ANKHD1: variants seen among roughly 807,000 people sequenced by gnomAD.
ANKHD1 encodes the protein ankyrin repeat and KH domain containing 1, also known as ankyrin repeat and KH domain-containing protein 1.
ANKHD1 carries 31 observed loss-of-function variants against 230.5 expected under a neutral mutation model. That is an observed-to-expected ratio of 0.13 (90% CI 0.10 to 0.18). The LOEUF is 0.18. ANKHD1 is among the 10% of genes least tolerant of loss of function. ANKHD1 has a pLI of 1.00. For synonymous variants in ANKHD1, 1,074 were observed against 1,117.6 expected, an observed-to-expected ratio of 0.96 and a Z score of 0.78; for missense variants, 2,256 against 3,071.3, an observed-to-expected ratio of 0.73 and a Z score of 6.27.
intron 14 of ANKHD1, among the ~76,000 whole-genome samples, chr5:140,489,617 A>T (rs1001435358): frequency 1.3e-5 from 2 of 152,228 alleles, no homozygotes; most frequent in African/African-American, 2.4e-5. Flanking sequence ...ATGTTTAGGT[A>T]GTGATTTTTT....
Position 140,502,022 on chromosome 5 carries a change from A to G in ANKHD1, c.3005-2799A>G, listed in dbSNP as rs188172584. On this transcript the variant is annotated intron_variant, in intron 15 of 33. Transcript: ENST00000360839. ...TTCAAGACCAGCCTGAGCAACACATAGAGACCCTATCTCTTTAAAAAAAAA... is the reference window on the plus strand; with the variant it reads ...TTCAAGACCAGCCTGAGCAACACATGGAGACCCTATCTCTTTAAAAAAAAA... Among the ~76,000 whole-genome samples the G allele has an allele frequency of 7.0e-4, 106 of 151,078 alleles. No homozygotes were observed. The East Asian group carries it at 0.017, about 24-fold the overall frequency.
At chr5:140,466,552 AGT>A (rs1264995490) in intron 10 of ANKHD1, among the ~76,000 whole-genome samples, 3 of 152,172 alleles carry the variant, frequency 2.0e-5, no homozygotes, top group Non-Finnish European at 4.4e-5. Context: ...GTTAAAATAG[AGT>A]GTTTATTATT....
rs945695807 is a variant in ANKHD1, at chr5:140,441,269, A to C, written c.913+127A>C. The C allele has an allele frequency of 1.1e-5, 13 of 1,231,204 alleles. No individual in the cohort carries two copies. The African/African-American group carries it at 1.9e-4, about 18-fold the overall frequency. 76.3% of individuals were successfully genotyped at this position (1,231,204 alleles called of 1,614,324 possible). A position where few individuals can be genotyped will look rare whatever the true frequency, so the allele number is the denominator to read the frequency against. The stretch of plus-strand genomic sequence containing the variant: ...AGAAAAATCTTAGCCCTTGTGTAGA[A>C]TCTTTGAGTAAAATACAAATTAATT... On this transcript the variant is annotated intron_variant, in intron 5 of 33. Coordinates refer to ENST00000360839, the MANE Select transcript of ANKHD1 (RefSeq NM_017747.3).
In ANKHD1 at chr5:140,497,257, A is replaced by G. The variant is rs769487598; in HGVS notation, c.2983A>G (p.Thr995Ala). The G allele has an allele frequency of 3.1e-6, 5 of 1,604,182 alleles. No homozygotes were observed. The highest frequency in any genetic ancestry group is 1.7e-5 in the Admixed American group (1 of 59,982). The change falls in exon 15 of 34, where the codon ACT (threonine) becomes GCT (alanine). Residue 995 changes from threonine (T) to alanine (A), a missense_variant. By Grantham distance (58) the Thr-to-Ala change is moderately conservative. Around this residue, in one of 13 missense-constraint regions of ANKHD1, gnomAD observed 358 missense variants for 397.7 expected, o/e 0.90. Transcript: ENST00000360839. The stretch of plus-strand genomic sequence containing the variant: ...AACTCCAGCTCAGACGCTTACCGAC[A>G]CTCTTGATGACCTGATAGCAGGTGG... Reference protein sequence around the residue: ...VATPAQTLTDTLDDLIAAVST... With the variant: ...VATPAQTLTDALDDLIAAVST...
chr5:140,445,603 G>C (rs1774220135), intron 5 of ANKHD1, 139 bp from the exon 6 acceptor site: 1 of 801,084 alleles, frequency 1.2e-6, no homozygotes, highest in Non-Finnish European at 1.7e-6. Flanking sequence ...GAATTGAAGA[G>C]GTATACCTAG....
chr5:140,483,281 T>G (rs1751365107), intron 11 of ANKHD1, among the ~76,000 whole-genome samples: 1 of 152,090 alleles, frequency 6.6e-6, no homozygotes, highest in African/African-American at 2.4e-5. Context: ...CCTAACTCTT[T>G]GTATAGTGTC....
intron 15 of ANKHD1, among the ~76,000 whole-genome samples, chr5:140,497,877 CCACACA>C (rs36224738): frequency 0.017 from 2,467 of 144,564 alleles, 51 homozygotes; most frequent in African/African-American, 0.048. Flanking sequence ...CCACACCACA[CCACACA>C]CACACACACA....
chr5:140,466,556 T>C (rs1217040147), intron 10 of ANKHD1, among the ~76,000 whole-genome samples: 2 of 152,216 alleles, frequency 1.3e-5, no homozygotes, highest in East Asian at 1.9e-4. Flanking sequence ...AAATAGAGTG[T>C]TTATTATTTA....
intron 1 of ANKHD1, among the ~76,000 whole-genome samples, 186 bp downstream of exon 1, chr5:140,402,459 G>A (rs1581189181): frequency 6.6e-6 from 1 of 152,210 alleles, no homozygotes; most frequent in East Asian, 1.9e-4. Flanking sequence ...GCTCGAGCGG[G>A]ACAGGTTCCC....
intron 1 of ANKHD1, among the ~76,000 whole-genome samples, chr5:140,417,032 A>G (rs572040804): frequency 2.2e-4 from 34 of 152,300 alleles, no homozygotes; most frequent in East Asian, 3.9e-4. Flanking sequence ...AAAAGCATCT[A>G]TGATGGAGAG....
At chr5:140,499,468 T>C (rs1752180111) in intron 15 of ANKHD1, among the ~76,000 whole-genome samples, 1 of 152,168 alleles carries the variant, frequency 6.6e-6, no homozygotes, top group African/African-American at 2.4e-5. Flanking sequence ...TAGAAGTAAA[T>C]TTTACTTTAG....
chr5:140,441,252 C>G, intron 5 of ANKHD1, 110 bp downstream of exon 5: 5 of 1,331,058 alleles, frequency 3.8e-6, no homozygotes, highest in Non-Finnish European at 4.9e-6. Context: ...ACAGAAAAAT[C>G]TTAGCCCTTG....
intron 7 of ANKHD1, among the ~76,000 whole-genome samples, chr5:140,454,635 G>A (rs1442693746): frequency 5.3e-5 from 8 of 152,110 alleles, no homozygotes; most frequent in Non-Finnish European, 1.0e-4. Context: ...CGAAATGAAG[G>A]CAGAAATAAA....
At chr5:140,433,121 T>C (rs1197996167) in intron 1 of ANKHD1, among the ~76,000 whole-genome samples, 3 of 147,570 alleles carry the variant, frequency 2.0e-5, no homozygotes, top group African/African-American at 7.6e-5. Flanking sequence ...CAGGCTGGAG[T>C]GCAGTGCCAC....
intron 1 of ANKHD1, among the ~76,000 whole-genome samples, chr5:140,423,685 C>G (rs1458883974): frequency 2.0e-5 from 3 of 152,124 alleles, no homozygotes; most frequent in African/African-American, 7.2e-5. Context: ...CTATTAATAC[C>G]TACTGTATGT....
intron 1 of ANKHD1, among the ~76,000 whole-genome samples, chr5:140,406,590 T>A (rs1214515907): frequency 6.6e-6 from 1 of 151,676 alleles, no homozygotes; most frequent in Non-Finnish European, 1.5e-5. Flanking sequence ...GATGGAGTCT[T>A]GTCGCCCAGG....
At chr5:140,482,028 A>C (rs1454870589) in intron 10 of ANKHD1, among the ~76,000 whole-genome samples, 1 of 152,036 alleles carries the variant, frequency 6.6e-6, no homozygotes, top group Non-Finnish European at 1.5e-5. Flanking sequence ...TCTTTCTGCT[A>C]TTAGGAGTTG....
In ANKHD1 at chr5:140,405,992, C is replaced by T. The variant is rs1014822285; in HGVS notation, c.306+3719C>T. On this transcript the variant is annotated intron_variant, in intron 1 of 33. Transcript: ENST00000360839. ...TGGTGGCTCACGCCTGTAATCACAG[C>T]ACTTTGGGAGGCCAAGGCGGGTGGA... 5.9e-5 allele frequency among the ~76,000 whole-genome samples: 9 copies of T among 151,970 alleles called. No homozygotes were observed. In the East Asian group the frequency reaches 1.6e-3, roughly 27 times the overall value.
Position 140,529,001 on chromosome 5 carries a change from G to A in ANKHD1, c.6055G>A (p.Glu2019Lys). ...SQAQLSSQKMESFSAVPPTKE... is the reference protein window; with the variant it reads ...SQAQLSSQKMKSFSAVPPTKE... ...AGCACAGCTTTCTTCACAAAAGATG[G>A]AGTCTTTCTCTGCTGTGCCACCCAC... The change falls in exon 29 of 34, where the codon GAG becomes AAG. Residue 2019 changes from glutamate (E) to lysine (K), a missense_variant. This residue lies in a region of ANKHD1 where 778 missense variants were observed against 966.5 expected (regional missense o/e 0.80). Transcript: ENST00000360839. 1 of 1,614,062 alleles carries A rather than the reference G, an allele frequency of 6.2e-7. No individual in the cohort carries two copies. Among genetic ancestry groups the A allele is most frequent in the Non-Finnish European group, 8.5e-7 (1 of 1,180,032 alleles).
Sources: gnomAD v4.1 joint callset for allele counts (sites outside exome capture counted in the v4.1 genomes callset) on GRCh38, gnomAD v4.1.1 for gene constraint, gnomAD v4.1.1 regional missense constraint, MANE v1.5 for transcripts, NCBI Gene and HGNC (gene_info 2026-07-23, HGNC 2026-07-21) for gene names.